Variants in ACAD11 observed in about 807,000 individuals in gnomAD.
The protein encoded by ACAD11 is acyl-CoA dehydrogenase family member 11, also known as acyl-Coenzyme A dehydrogenase family, member 11.
In ACAD11, 83 loss-of-function variants were observed where a neutral mutation model predicts 102.2. That is an observed-to-expected ratio of 0.81 (90% CI 0.68 to 0.97). The LOEUF is 0.97. Ranked by LOEUF, ACAD11 falls within the 50% of genes least tolerant of loss-of-function variation. ACAD11 has a pLI of 0.00. For synonymous variants in ACAD11, 324 were observed against 319.8 expected, an observed-to-expected ratio of 1.01 and a Z score of -0.14; for missense variants, 901 against 951.7, an observed-to-expected ratio of 0.95 and a Z score of 0.70.
At chr3:132,614,775 C>T (rs563701432) in intron 11 of ACAD11, among the ~76,000 whole-genome samples, 10 of 152,306 alleles carry the variant, frequency 6.6e-5, no homozygotes, top group Middle Eastern at 3.4e-3. Context: ...GCAAAGACTT[C>T]ATGACTAAAA....
chr3:132,578,809 A>T lies in ACAD11; in HGVS notation c.1761T>A (p.Val587=). The T allele has an allele frequency of 6.2e-7, 1 of 1,612,988 alleles. No homozygotes were observed. The highest frequency in any genetic ancestry group is 1.1e-5 in the South Asian group (1 of 90,884). Residue 587 remains valine, a synonymous_variant, in exon 15 of 20, where the codon GTT becomes GTA. Transcript: ENST00000264990. ...TTGGATACCTACCTGTGTAGCCAAA[A>T]ACTGACAAAGGCCTTATTATTTTTA... ...PGVKIIRPLS[V]FGYTDNFHGG... is the part of the protein sequence containing the mutation.
intron 17 of ACAD11, among the ~76,000 whole-genome samples, chr3:132,568,801 C>CAAAAAAAAAAAAAAA (rs755568917): frequency 1.2e-3 from 79 of 68,670 alleles, no homozygotes; most frequent in Middle Eastern, 9.1e-3. Context: ...CATCCACAGG[C>CAAAAAAAAAAAAAAA]AAAAAAAAAA....
At chr3:132,576,015 G>T in intron 16 of ACAD11, 89 bp from the exon 17 acceptor site, 1 of 1,463,238 alleles carries the variant, frequency 6.8e-7, no homozygotes, top group Non-Finnish European at 9.3e-7. Context: ...AAAGAGATGA[G>T]CTGCCCTTAA....
At chr3:132,611,755 C>T (rs2107837481) in intron 11 of ACAD11, among the ~76,000 whole-genome samples, 1 of 152,156 alleles carries the variant, frequency 6.6e-6, no homozygotes, top group African/African-American at 2.4e-5. Flanking sequence ...ACATTCCATG[C>T]TCTTGGGTAG....
At chr3:132,622,122 G>GC (rs1390400532) in intron 9 of ACAD11, among the ~76,000 whole-genome samples, 4 of 152,026 alleles carry the variant, frequency 2.6e-5, no homozygotes, top group African/African-American at 9.7e-5. Context: ...CTACACTTAG[G>GC]CTAGTGGTAT....
At chr3:132,568,756 T>C (rs62293990) in intron 17 of ACAD11, among the ~76,000 whole-genome samples, 13,992 of 118,276 alleles carry the variant, frequency 0.12, 826 homozygotes, top group Middle Eastern at 0.26. Context: ...GGAGGAAACA[T>C]AGCTTTTTCA....
At chr3:132,621,420 T>C (rs1439943283) in intron 9 of ACAD11, 4 of 152,208 alleles carry the variant, frequency 2.6e-5, no homozygotes, top group Non-Finnish European at 4.4e-5. Flanking sequence ...CTTCAATTGC[T>C]GAGAGAAAAT....
At chr3:132,637,219 G>C (rs1173935601) in intron 5 of ACAD11, among the ~76,000 whole-genome samples, 1 of 152,132 alleles carries the variant, frequency 6.6e-6, no homozygotes, top group Admixed American at 6.6e-5. Flanking sequence ...TATAAAGTCA[G>C]GGTGGGAAGA....
chr3:132,611,792 A>T (rs1318757414), intron 11 of ACAD11, among the ~76,000 whole-genome samples: 1 of 152,042 alleles, frequency 6.6e-6, no homozygotes, highest in Non-Finnish European at 1.5e-5. Flanking sequence ...GAAAATGGCC[A>T]TACAGCCCAA....
chr3:132,611,328 C>A (rs916075303), intron 11 of ACAD11, among the ~76,000 whole-genome samples: 3 of 151,962 alleles, frequency 2.0e-5, no homozygotes, highest in African/African-American at 7.3e-5. Context: ...TAGGGATGCC[C>A]TCTCTCACCA....
In ACAD11 at chr3:132,583,173, C is replaced by T. The variant is rs150429749; in HGVS notation, c.1622-3615G>A. 6.2e-3 allele frequency among the ~76,000 whole-genome samples: 947 copies of T among 152,280 alleles called. 7 individuals carry two copies. Among genetic ancestry groups the T allele is most frequent in the African/African-American group, 0.022 (921 of 41,550 alleles). ...TGGTAGAATTCAGCTGTGAATCCAT[C>T]TAGTCCTGGACTTTTTTTCACTGGT... is the stretch of plus-strand genomic sequence containing the variant. On this transcript the variant is annotated intron_variant, in intron 13 of 19. Coordinates refer to ENST00000264990, the MANE Select transcript of ACAD11 (RefSeq NM_032169.5).
At chr3:132,633,714 G>C (rs553985094) in intron 5 of ACAD11, among the ~76,000 whole-genome samples, 2 of 152,206 alleles carry the variant, frequency 1.3e-5, no homozygotes, top group South Asian at 4.1e-4. Flanking sequence ...CAGAGTAATA[G>C]ACCAATGGAA....
intron 11 of ACAD11, among the ~76,000 whole-genome samples, chr3:132,609,473 A>G (rs539880492): frequency 6.6e-6 from 1 of 152,356 alleles, no homozygotes; most frequent in Non-Finnish European, 1.5e-5. Context: ...CCACAGAAAT[A>G]CAAACTACCA....
intron 13 of ACAD11, among the ~76,000 whole-genome samples, chr3:132,602,984 G>T (rs1938680900): frequency 6.6e-6 from 1 of 151,968 alleles, no homozygotes; most frequent in South Asian, 2.1e-4. Context: ...TGTATTTTTA[G>T]TAGAGACAGG....
intron 17 of ACAD11, among the ~76,000 whole-genome samples, chr3:132,561,623 G>C (rs554277528): frequency 3.2e-4 from 48 of 152,294 alleles, no homozygotes; most frequent in African/African-American, 1.1e-3. Context: ...AGGTAAACTA[G>C]AAAATTCTCA....
intron 1 of ACAD11, among the ~76,000 whole-genome samples, chr3:132,654,956 T>C (rs1576628576): frequency 6.6e-6 from 1 of 152,248 alleles, no homozygotes; most frequent in East Asian, 1.9e-4. Flanking sequence ...TCCTAGGCTA[T>C]AAACCTGTGC....
At chr3:132,638,627 C>G (rs1334293657) in intron 5 of ACAD11, among the ~76,000 whole-genome samples, 3 of 152,128 alleles carry the variant, frequency 2.0e-5, no homozygotes, top group Non-Finnish European at 4.4e-5. Context: ...AATTTGTTAT[C>G]TACTATAGAG....
At chr3:132,655,612 C>G (rs1937748433) in intron 1 of ACAD11, among the ~76,000 whole-genome samples, 1 of 152,176 alleles carries the variant, frequency 6.6e-6, no homozygotes, top group Non-Finnish European at 1.5e-5. Flanking sequence ...ATGCCGTGTG[C>G]TCGAGGAAAT....
At chr3:132,650,780 T>C (rs1940899532) in intron 1 of ACAD11, among the ~76,000 whole-genome samples, 1 of 152,256 alleles carries the variant, frequency 6.6e-6, no homozygotes, top group African/African-American at 2.4e-5. Context: ...CACTACTACC[T>C]TGAGACCACC....
Sources: allele counts gnomAD v4.1 joint callset (sites outside exome capture counted in the v4.1 genomes callset), GRCh38; gene constraint gnomAD v4.1.1; transcripts MANE v1.5; gene names NCBI Gene and HGNC (gene_info 2026-07-23, HGNC 2026-07-21).